Variants in STMND1 observed in about 807,000 individuals in gnomAD.
STMND1 encodes the protein stathmin domain-containing protein 1.
A neutral mutation model predicts 23.0 loss-of-function variants in STMND1; 17 were observed. That is an observed-to-expected ratio of 0.74 (90% CI 0.51 to 1.11). The LOEUF (loss-of-function observed/expected upper bound fraction) is 1.11, where lower values mean the gene tolerates loss of function less well. Among genes scored for constraint, STMND1 ranks in the 50% least tolerant of loss-of-function variants. STMND1 has a pLI of 0.00. For synonymous variants in STMND1, 114 were observed against 119.9 expected, an observed-to-expected ratio of 0.95 and a Z score of 0.32; for missense variants, 305 against 329.1, an observed-to-expected ratio of 0.93 and a Z score of 0.57.
chr6:17,108,309 C>A (rs543301967), intron 1 of STMND1, among the ~76,000 whole-genome samples: 1 of 151,164 alleles, frequency 6.6e-6, no homozygotes, highest in East Asian at 2.0e-4. Flanking sequence ...GAAAAGCCAT[C>A]GTTTAGACTG....
rs931255286 is a variant in STMND1 at position 17,128,008 on chromosome 6, C to A, written c.412-1104C>A. On this transcript the variant is annotated intron_variant, in intron 3 of 4. Transcript: ENST00000536551. The stretch of plus-strand genomic sequence containing the variant: ...TATCTGGGAAGACACACACTGAACT[C>A]TTTACAAAGGTTCATGCTAAGGACT... The A allele has an allele frequency of 3.3e-5, 5 of 150,060 alleles. No homozygotes were observed. The South Asian group carries it at 1.1e-3, about 32-fold the overall frequency. The allele number at this position is 150,060 out of a possible 1,614,324, so 9.3% of individuals were successfully genotyped here.
intron 3 of STMND1, among the ~76,000 whole-genome samples, chr6:17,124,753 T>C (rs189316343): frequency 3.9e-5 from 6 of 152,200 alleles, no homozygotes; most frequent in African/African-American, 1.4e-4. Context: ...ATCCCAGCAC[T>C]TTGGGAGACC....
intron 1 of STMND1, among the ~76,000 whole-genome samples, chr6:17,104,838 T>C (rs1478297393): frequency 2.6e-5 from 4 of 152,264 alleles, no homozygotes; most frequent in African/African-American, 9.6e-5. Flanking sequence ...TGTGACCTTT[T>C]TCAAGTTATT....
chr6:17,105,319 T>C lies in STMND1; in HGVS notation c.81+2981T>C, dbSNP rs564969604. On this transcript the variant is annotated intron_variant, in intron 1 of 4. Coordinates refer to ENST00000536551, the MANE Select transcript of STMND1 (RefSeq NM_001190766.2). The stretch of plus-strand genomic sequence containing the variant: ...ATACCAATGCCTGACGCAGAATAAG[T>C]GCATGATGTAAATTATTTCAATTAT... Among the ~76,000 whole-genome samples the C allele has an allele frequency of 9.3e-4, 141 of 152,300 alleles. 2 individuals are homozygous for C. In the South Asian group the frequency reaches 0.028, roughly 31 times the overall value.
At chr6:17,104,193 G>A (rs1007085371) in intron 1 of STMND1, among the ~76,000 whole-genome samples, 3 of 151,974 alleles carry the variant, frequency 2.0e-5, no homozygotes, top group Non-Finnish European at 2.9e-5. Flanking sequence ...TATTGGCCTG[G>A]TGAACTCATG....
At chr6:17,123,908 T>G (rs868282429) in intron 3 of STMND1, among the ~76,000 whole-genome samples, 46 of 152,212 alleles carry the variant, frequency 3.0e-4, no homozygotes, top group Non-Finnish European at 5.6e-4. Flanking sequence ...TCTTGCATAT[T>G]TTGGGAAGAG....
At chr6:17,108,130 G>A (rs1010553086) in intron 1 of STMND1, among the ~76,000 whole-genome samples, 5 of 152,334 alleles carry the variant, frequency 3.3e-5, no homozygotes, top group African/African-American at 9.6e-5. Flanking sequence ...GTCACCAGCA[G>A]AGCTCAAAGG....
chr6:17,120,830 T>C (rs1761222948), intron 3 of STMND1, 72 bp downstream of exon 3: 4 of 1,234,458 alleles, frequency 3.2e-6, no homozygotes, highest in Non-Finnish European at 4.4e-6. Flanking sequence ...CATGAGTCAT[T>C]ATTTCCAGCA....
intron 1 of STMND1, among the ~76,000 whole-genome samples, chr6:17,104,355 A>G (rs956100079): frequency 2.0e-5 from 3 of 152,194 alleles, no homozygotes. Flanking sequence ...GCCTGATTAC[A>G]TATAAGACTT....
intron 1 of STMND1, among the ~76,000 whole-genome samples, chr6:17,112,456 T>G (rs1457699048): frequency 1.3e-5 from 2 of 152,164 alleles, no homozygotes; most frequent in Non-Finnish European, 2.9e-5. Context: ...AACAGATGTT[T>G]TTATTTTGCT....
At chr6:17,126,054 ATATATATATATATATATTTTTTTTTTT>A (rs1561925708) in intron 3 of STMND1, among the ~76,000 whole-genome samples, 8 of 24,102 alleles carry the variant, frequency 3.3e-4, no homozygotes, top group Admixed American at 2.1e-3. Context: ...ATATATATAT[ATATATATATATATATATTTTTTTTTTT>A]TTTTTTTTTT....
chr6:17,110,048 A>G (rs539483814), intron 1 of STMND1, among the ~76,000 whole-genome samples: 64 of 152,306 alleles, frequency 4.2e-4, no homozygotes, highest in African/African-American at 1.4e-3. Context: ...GACACACAAT[A>G]TGATTCCATC....
intron 2 of STMND1, among the ~76,000 whole-genome samples, chr6:17,120,309 G>C (rs1397002250): frequency 6.6e-6 from 1 of 152,194 alleles, no homozygotes; most frequent in Non-Finnish European, 1.5e-5. Context: ...TCGTACCCAA[G>C]TGTATAAGTG....
Position 17,115,041 on chromosome 6 carries a change from T to C in STMND1, c.161T>C (p.Ile54Thr). The change falls in exon 2 of 5, where the codon ATT becomes ACT. Residue 54 changes from isoleucine (I) to threonine (T), a missense_variant. By Grantham distance (89) the Ile-to-Thr change is moderately conservative. Transcript: ENST00000536551. ...EAALTKNTVD[I>T]AEGLEQVQMG... Reference sequence around the variant, plus strand: ...GCTCTGACCAAGAATACTGTGGACATTGCAGAAGGCCTGGAACAAGTCCAG... The same window carrying C: ...GCTCTGACCAAGAATACTGTGGACACTGCAGAAGGCCTGGAACAAGTCCAG... The C allele has an allele frequency of 6.5e-7, 1 of 1,535,984 alleles. No homozygotes were observed. The highest frequency in any genetic ancestry group is 8.7e-7 in the Non-Finnish European group (1 of 1,146,846).
intron 2 of STMND1, among the ~76,000 whole-genome samples, 152 bp from the exon 3 acceptor site, chr6:17,120,455 G>T (rs1173294134): frequency 6.6e-6 from 1 of 152,092 alleles, no homozygotes; most frequent in African/African-American, 2.4e-5. Flanking sequence ...GAACTTCAAA[G>T]GATCACAAAG....
Position 17,105,908 on chromosome 6 carries a change from G to T in STMND1, c.81+3570G>T, listed in dbSNP as rs981615770. Among the ~76,000 whole-genome samples the T allele has an allele frequency of 8.5e-5, 13 of 152,292 alleles. No homozygotes were observed. The East Asian group carries it at 2.1e-3, about 25-fold the overall frequency. Reference sequence around the variant, plus strand: ...CCACTGCACTCCAGCCTGGGCAAAAGAGCCAGACTCTGTCTCAAAAATAAA... The same window carrying T: ...CCACTGCACTCCAGCCTGGGCAAAATAGCCAGACTCTGTCTCAAAAATAAA... On this transcript the variant is annotated intron_variant, in intron 1 of 4. Coordinates refer to ENST00000536551, the MANE Select transcript of STMND1 (RefSeq NM_001190766.2).
rs538214959 is a variant in STMND1, at chr6:17,128,776, G to A, written c.412-336G>A. ...TGCCAAGGCTGGAGTGCAGTGGAACGATCTTGGCTCACTGCAACCTCCACC... is the reference window on the plus strand; with the variant it reads ...TGCCAAGGCTGGAGTGCAGTGGAACAATCTTGGCTCACTGCAACCTCCACC... On this transcript the variant is annotated intron_variant, in intron 3 of 4. Coordinates refer to ENST00000536551, the MANE Select transcript of STMND1 (RefSeq NM_001190766.2). The A allele has an allele frequency of 2.3e-4, 41 of 175,540 alleles. No individual in the cohort carries two copies. In the Middle Eastern group the frequency reaches 0.011, roughly 46 times the overall value. 10.9% of individuals were successfully genotyped at this position (175,540 alleles called of 1,614,324 possible). A position where few individuals can be genotyped will look rare whatever the true frequency, so the allele number is the denominator to read the frequency against.
intron 3 of STMND1, among the ~76,000 whole-genome samples, chr6:17,121,604 T>A (rs1343033361): frequency 1.3e-5 from 2 of 152,176 alleles, no homozygotes; most frequent in Non-Finnish European, 2.9e-5. Context: ...TACAATTATG[T>A]GTCCATTAAA....
At chr6:17,110,191 C>T (rs1472942381) in intron 1 of STMND1, among the ~76,000 whole-genome samples, 1 of 152,182 alleles carries the variant, frequency 6.6e-6, no homozygotes, top group East Asian at 1.9e-4. Context: ...CAACAAGATA[C>T]AAACTTTTAT....
Sources: gnomAD v4.1 joint callset for allele counts (sites outside exome capture counted in the v4.1 genomes callset) on GRCh38, gnomAD v4.1.1 for gene constraint, MANE v1.5 for transcripts, NCBI Gene and HGNC (gene_info 2026-07-23, HGNC 2026-07-21) for gene names.